Variants in CTNNA2 observed in about 807,000 individuals in gnomAD.
CTNNA2 encodes the protein catenin alpha 2.
CTNNA2 carries 42 observed loss-of-function variants against 101.0 expected under a neutral mutation model. The ratio of observed to expected loss-of-function variants is 0.42; its 90% CI spans 0.32 to 0.54. The LOEUF (loss-of-function observed/expected upper bound fraction) is 0.54. CTNNA2 is among the 20% of genes least tolerant of loss of function. The pLI is 0.14. For missense variants in CTNNA2, 871 were observed against 1,223.1 expected, an observed-to-expected ratio of 0.71 and a Z score of 4.29; for synonymous variants, 450 against 456.4, an observed-to-expected ratio of 0.99 and a Z score of 0.18.
intron 4 of CTNNA2, among the ~76,000 whole-genome samples, chr2:79,476,428 C>G (rs984206553): frequency 2.6e-5 from 4 of 152,182 alleles, no homozygotes; most frequent in Non-Finnish European, 5.9e-5. Context: ...TTCTAAGAAC[C>G]ATTAACCTAT....
intron 7 of CTNNA2, among the ~76,000 whole-genome samples, chr2:80,197,402 A>T (rs1281312091): frequency 6.6e-6 from 1 of 152,220 alleles, no homozygotes; most frequent in East Asian, 1.9e-4. Context: ...TGTTTATTGC[A>T]GTCACATCTT....
intron 7 of CTNNA2, among the ~76,000 whole-genome samples, chr2:80,086,645 T>G (rs1455516111): frequency 6.6e-6 from 1 of 152,052 alleles, no homozygotes; most frequent in Non-Finnish European, 1.5e-5. Flanking sequence ...GTAACTGAAG[T>G]TACTAAATTA....
intron 1 of CTNNA2, among the ~76,000 whole-genome samples, chr2:79,637,580 G>A (rs182779139): frequency 3.9e-5 from 6 of 152,196 alleles, no homozygotes; most frequent in Non-Finnish European, 5.9e-5. Context: ...GAGTGGTATC[G>A]AGAGATGCAT....
At chr2:80,477,727 ATGTGTGTGTG>A (rs35938297) in intron 9 of CTNNA2, among the ~76,000 whole-genome samples, 10 of 143,912 alleles carry the variant, frequency 6.9e-5, no homozygotes, top group African/African-American at 1.5e-4. Flanking sequence ...CATGGTGTGA[ATGTGTGTGTG>A]TGTGTGTGTG....
chr2:79,592,683 T>A (rs1405119219), intron 1 of CTNNA2, among the ~76,000 whole-genome samples: 1 of 152,174 alleles, frequency 6.6e-6, no homozygotes, highest in Non-Finnish European at 1.5e-5. Context: ...TTTGTATGCA[T>A]CCAGTGAAAA....
chr2:80,129,275 A>G (rs1226268761), intron 7 of CTNNA2, among the ~76,000 whole-genome samples: 1 of 152,164 alleles, frequency 6.6e-6, no homozygotes, highest in African/African-American at 2.4e-5. Context: ...AACAAAGTCT[A>G]TTACAGGGGT....
intron 1 of CTNNA2, among the ~76,000 whole-genome samples, chr2:79,587,329 C>A (rs888693569): frequency 6.6e-6 from 1 of 152,064 alleles, no homozygotes. Flanking sequence ...TATTAAACCC[C>A]ATTTTAATGA....
intron 18 of CTNNA2, among the ~76,000 whole-genome samples, chr2:80,632,941 CAG>C (rs113033779): frequency 6.6e-6 from 1 of 152,146 alleles, no homozygotes; most frequent in African/African-American, 2.4e-5. Flanking sequence ...AAAGAGATTA[CAG>C]AGTGTCCAAA....
intron 11 of CTNNA2, among the ~76,000 whole-genome samples, chr2:80,548,513 C>A (rs546503938): frequency 6.6e-6 from 1 of 152,118 alleles, no homozygotes; most frequent in South Asian, 2.1e-4. Flanking sequence ...CTTGTCATTC[C>A]TTTGTGCATC....
At chr2:80,538,475 A>G (rs1303083956) in intron 9 of CTNNA2, among the ~76,000 whole-genome samples, 4 of 152,176 alleles carry the variant, frequency 2.6e-5, no homozygotes, top group Non-Finnish European at 5.9e-5. Context: ...CATTTATTAA[A>G]TGGGGAATCC....
intron 5 of CTNNA2, among the ~76,000 whole-genome samples, chr2:79,507,963 G>A (rs2103815913): frequency 6.6e-6 from 1 of 152,282 alleles, no homozygotes; most frequent in East Asian, 1.9e-4. Flanking sequence ...TAACTTCACA[G>A]TGATGAATGG....
intron 3 of CTNNA2, among the ~76,000 whole-genome samples, chr2:79,748,243 G>A (rs1573863960): frequency 6.6e-6 from 1 of 152,258 alleles, no homozygotes; most frequent in South Asian, 2.1e-4. Context: ...AGAGAGAGAG[G>A]TAGAGAGAAA....
intron 7 of CTNNA2, among the ~76,000 whole-genome samples, chr2:79,958,615 TC>T (rs1558675515): frequency 6.6e-6 from 1 of 152,186 alleles, no homozygotes; most frequent in Non-Finnish European, 1.5e-5. Flanking sequence ...AATGCCGGTC[TC>T]CTAACACCTT....
intron 18 of CTNNA2, among the ~76,000 whole-genome samples, chr2:80,629,452 C>G (rs1287186707): frequency 1.3e-5 from 2 of 152,172 alleles, no homozygotes; most frequent in Admixed American, 1.3e-4. Context: ...TTCTGAAACT[C>G]AGCTCTGAGA....
At chr2:79,799,603 C>T (rs1471161635) in intron 3 of CTNNA2, among the ~76,000 whole-genome samples, 1 of 152,084 alleles carries the variant, frequency 6.6e-6, no homozygotes, top group Admixed American at 6.6e-5. Context: ...TAGGCTGATA[C>T]ATCTTTGGAA....
intron 4 of CTNNA2, among the ~76,000 whole-genome samples, chr2:79,401,233 G>A (rs986559959): frequency 6.6e-6 from 1 of 151,356 alleles, no homozygotes; most frequent in Non-Finnish European, 1.5e-5. Context: ...AACATCTCAT[G>A]TACCCCATAA....
At chr2:80,524,262 A>G (rs2149580819) in intron 9 of CTNNA2, among the ~76,000 whole-genome samples, 1 of 152,254 alleles carries the variant, frequency 6.6e-6, no homozygotes, top group East Asian at 1.9e-4. Context: ...GGGTTAGAAG[A>G]GGTACCTCAT....
chr2:80,568,580 TGTG>T (rs1694274418), intron 12 of CTNNA2, among the ~76,000 whole-genome samples: 1 of 151,890 alleles, frequency 6.6e-6, no homozygotes, highest in African/African-American at 2.4e-5. Flanking sequence ...TGTGTGTGTG[TGTG>T]TGTGTGTGTG....
At chr2:79,510,008 G>C (rs1159211172), upstream of CTNNA2, among the ~76,000 whole-genome samples, 1 of 152,210 alleles carries the variant, frequency 6.6e-6, no homozygotes, top group Non-Finnish European at 1.5e-5. Flanking sequence ...CTAGTGTGTA[G>C]AGACCTGACA....
Sources: gnomAD v4.1 joint callset for allele counts (sites outside exome capture counted in the v4.1 genomes callset) on GRCh38, gnomAD v4.1.1 for gene constraint, MANE v1.5 for transcripts, NCBI Gene and HGNC (gene_info 2026-07-23, HGNC 2026-07-21) for gene names.